The following HHAT variants were observed in gnomAD, a reference collection of about 807,000 sequenced individuals.
HHAT encodes hedgehog acyltransferase.
A neutral mutation model predicts 70.8 loss-of-function variants in HHAT; 47 were observed. The observed-to-expected ratio is 0.66, with a 90% CI of 0.53 to 0.85. The LOEUF (loss-of-function observed/expected upper bound fraction) is 0.85, where lower values mean the gene tolerates loss of function less well. Ranked by LOEUF, HHAT falls within the 40% of genes least tolerant of loss-of-function variation. The probability of loss-of-function intolerance (pLI) is 0.00; values close to 1 mark genes in which losing one functional copy is unlikely to be tolerated. For synonymous variants in HHAT, 228 were observed against 247.6 expected, an observed-to-expected ratio of 0.92 and a Z score of 0.74; for missense variants, 609 against 604.8, an observed-to-expected ratio of 1.01 and a Z score of -0.07.
At chr1:210,467,637 G>C (rs1409345358) in intron 8 of HHAT, among the ~76,000 whole-genome samples, 1 of 152,282 alleles carries the variant, frequency 6.6e-6, no homozygotes, top group Middle Eastern at 3.4e-3. Flanking sequence ...GGTCATGTCA[G>C]CTATTCACAT....
intron 4 of HHAT, 107 bp from the exon 5 acceptor site, chr1:210,400,361 C>T (rs1043421102): frequency 3.0e-5 from 31 of 1,021,022 alleles, no homozygotes; most frequent in Non-Finnish European, 4.2e-5. Context: ...ACGTGATCCT[C>T]TTACATGTAG....
intron 2 of HHAT, among the ~76,000 whole-genome samples, chr1:210,357,644 A>C (rs1298383127): frequency 6.6e-6 from 1 of 151,962 alleles, no homozygotes; most frequent in Non-Finnish European, 1.5e-5. Flanking sequence ...ACATGGTGAA[A>C]CCCCGTCTCT....
At chr1:210,445,381 T>TTACC (rs2093614998) in intron 7 of HHAT, among the ~76,000 whole-genome samples, 1 of 152,232 alleles carries the variant, frequency 6.6e-6, no homozygotes, top group Non-Finnish European at 1.5e-5. Flanking sequence ...CTTTGAAAGC[T>TTACC]TACCGTATTA....
intron 8 of HHAT, among the ~76,000 whole-genome samples, chr1:210,509,855 C>G (rs2094925270): frequency 6.6e-6 from 1 of 152,152 alleles, no homozygotes; most frequent in South Asian, 2.1e-4. Flanking sequence ...ATTGCAAAGG[C>G]TCTTATATTT....
intron 6 of HHAT, among the ~76,000 whole-genome samples, chr1:210,411,469 G>A (rs917301879): frequency 6.6e-6 from 1 of 152,162 alleles, no homozygotes; most frequent in African/African-American, 2.4e-5. Context: ...AAGAGTTTGA[G>A]CAGGTTGGGC....
intron 11 of HHAT, chr1:210,631,179 GAGATT>G: frequency 2.2e-6 from 1 of 451,856 alleles, no homozygotes. Context: ...AATATCAGGT[GAGATT>G]ATAAGCCCTT....
At chr1:210,445,021 G>C (rs1296773199) in intron 7 of HHAT, among the ~76,000 whole-genome samples, 1 of 151,982 alleles carries the variant, frequency 6.6e-6, no homozygotes, top group Admixed American at 6.6e-5. Context: ...TGTATTTTTA[G>C]TAGAGACGGG....
chr1:210,609,109 T>C (rs887418643), intron 10 of HHAT, among the ~76,000 whole-genome samples: 1 of 151,788 alleles, frequency 6.6e-6, no homozygotes, highest in African/African-American at 2.4e-5. Flanking sequence ...ATTATGGGGA[T>C]TACAATTCAA....
intron 11 of HHAT, among the ~76,000 whole-genome samples, chr1:210,656,212 C>A (rs1676381982): frequency 6.6e-6 from 1 of 151,550 alleles, no homozygotes; most frequent in African/African-American, 2.4e-5. Context: ...CTAGGCTACA[C>A]TTTTATTTAT....
At chr1:210,488,568 T>G (rs2094506026) in intron 8 of HHAT, among the ~76,000 whole-genome samples, 1 of 152,220 alleles carries the variant, frequency 6.6e-6, no homozygotes, top group Non-Finnish European at 1.5e-5. Flanking sequence ...GTTCAATGAT[T>G]ATTCATTCGA....
At chr1:210,653,633 T>A (rs1048590189) in intron 11 of HHAT, among the ~76,000 whole-genome samples, 2 of 151,924 alleles carry the variant, frequency 1.3e-5, no homozygotes, top group African/African-American at 4.8e-5. Flanking sequence ...GAGATGCCTA[T>A]AGGGGGAGGA....
chr1:210,614,661 G>A (rs569503688), intron 10 of HHAT, among the ~76,000 whole-genome samples: 10 of 152,146 alleles, frequency 6.6e-5, no homozygotes, highest in Admixed American at 5.2e-4. Context: ...AACATGCGGT[G>A]TTTGGTTTTT....
At chr1:210,663,505 C>T (rs1216063862) in intron 11 of HHAT, among the ~76,000 whole-genome samples, 3 of 152,144 alleles carry the variant, frequency 2.0e-5, no homozygotes, top group Non-Finnish European at 4.4e-5. Context: ...TTCTCCGAGC[C>T]TTAGTTTCCG....
At chr1:210,422,341 A>C (rs2092928212) in intron 7 of HHAT, among the ~76,000 whole-genome samples, 1 of 152,178 alleles carries the variant, frequency 6.6e-6, no homozygotes. Context: ...TAGTCATCCT[A>C]CAGTACTATA....
chr1:210,368,206 A>G (rs2089200275), intron 3 of HHAT, among the ~76,000 whole-genome samples: 1 of 152,206 alleles, frequency 6.6e-6, no homozygotes, highest in South Asian at 2.1e-4. Context: ...ATTCAAGATC[A>G]TAGATTCTTG....
chr1:210,632,984 C>T (rs1001265207), intron 11 of HHAT, among the ~76,000 whole-genome samples: 8 of 152,270 alleles, frequency 5.3e-5, no homozygotes, highest in African/African-American at 1.4e-4. Flanking sequence ...AAGGAAGGCT[C>T]CTCCCCACCA....
At chr1:210,514,876 TAGAG>T (rs1225610314) in intron 9 of HHAT, among the ~76,000 whole-genome samples, 5 of 152,356 alleles carry the variant, frequency 3.3e-5, no homozygotes, top group African/African-American at 9.6e-5. Flanking sequence ...GGCCTGTAGT[TAGAG>T]AGAGCAGTGG....
chr1:210,404,442 T>G, intron 5 of HHAT, 22 bp from the exon 6 acceptor site: 3 of 1,585,676 alleles, frequency 1.9e-6, no homozygotes, highest in South Asian at 1.1e-5. Flanking sequence ...TCAAAGGTTG[T>G]TCTCTCCTTT....
At chr1:210,617,136 G>A (rs1667916140) in intron 10 of HHAT, among the ~76,000 whole-genome samples, 1 of 152,226 alleles carries the variant, frequency 6.6e-6, no homozygotes, top group South Asian at 2.1e-4. Flanking sequence ...ATTAAGCTGG[G>A]GCTTGAAGAA....
Sources: gnomAD v4.1 joint callset for allele counts (sites outside exome capture counted in the v4.1 genomes callset) on GRCh38, gnomAD v4.1.1 for gene constraint, MANE v1.5 for transcripts, NCBI Gene and HGNC (gene_info 2026-07-23, HGNC 2026-07-21) for gene names.